The following GRID2 variants were observed in gnomAD, a reference collection of about 807,000 sequenced individuals.
GRID2 encodes glutamate receptor ionotropic, delta-2.
In GRID2, 33 loss-of-function variants were observed where a neutral mutation model predicts 114.8. The ratio of observed to expected loss-of-function variants is 0.29; its 90% CI spans 0.22 to 0.38. The LOEUF (loss-of-function observed/expected upper bound fraction) is 0.38, where lower values mean the gene tolerates loss of function less well. Among genes scored for constraint, GRID2 ranks in the 10% least tolerant of loss-of-function variants. The probability of loss-of-function intolerance (pLI) is 1.00; values close to 1 mark genes in which losing one functional copy is unlikely to be tolerated. For missense variants in GRID2, 1,184 were observed against 1,257.7 expected (o/e 0.94, Z 0.89); for synonymous variants, 505 against 449.9 (o/e 1.12, Z -1.55).
At chr4:93,128,930 G>A (rs1349036022) in intron 4 of GRID2, among the ~76,000 whole-genome samples, 1 of 152,110 alleles carries the variant, frequency 6.6e-6, no homozygotes, top group Non-Finnish European at 1.5e-5. Flanking sequence ...AAACCTCATG[G>A]TATTACTAAA....
At chr4:93,317,016 C>T (rs1252041619) in intron 8 of GRID2, among the ~76,000 whole-genome samples, 4 of 152,100 alleles carry the variant, frequency 2.6e-5, no homozygotes, top group Non-Finnish European at 2.9e-5. Flanking sequence ...GTCTAAAGCT[C>T]ATTACCTTAA....
intron 14 of GRID2, among the ~76,000 whole-genome samples, chr4:93,725,894 G>T (rs1295877588): frequency 6.6e-6 from 1 of 152,118 alleles, no homozygotes; most frequent in Non-Finnish European, 1.5e-5. Context: ...CCCTTTGTCA[G>T]ATGATTAGGT....
intron 2 of GRID2, among the ~76,000 whole-genome samples, chr4:92,788,633 G>A (rs1029755240): frequency 2.0e-5 from 3 of 151,616 alleles, no homozygotes; most frequent in African/African-American, 4.8e-5. Flanking sequence ...CTAATCTTGG[G>A]TGTAACAATT....
At chr4:92,994,187 T>C (rs547726841) in intron 2 of GRID2, among the ~76,000 whole-genome samples, 1 of 152,274 alleles carries the variant, frequency 6.6e-6, no homozygotes, top group East Asian at 1.9e-4. Flanking sequence ...AAAAGCAAAC[T>C]GAAACATAGC....
intron 8 of GRID2, among the ~76,000 whole-genome samples, chr4:93,347,462 G>T (rs1392812030): frequency 6.6e-6 from 1 of 151,984 alleles, no homozygotes; most frequent in African/African-American, 2.4e-5. Context: ...AGGAACAGAT[G>T]ATATGTCATA....
At chr4:93,674,800 GA>G (rs1266877608) in intron 14 of GRID2, among the ~76,000 whole-genome samples, 1 of 151,692 alleles carries the variant, frequency 6.6e-6, no homozygotes, top group Non-Finnish European at 1.5e-5. Context: ...TTAAAAAAAT[GA>G]GTTTGAAATT....
At chr4:92,454,404 G>A (rs181875472) in intron 1 of GRID2, among the ~76,000 whole-genome samples, 194 of 152,242 alleles carry the variant, frequency 1.3e-3, no homozygotes, top group African/African-American at 4.5e-3. Flanking sequence ...AAAATCTTGT[G>A]ATTCTCCATA....
intron 2 of GRID2, among the ~76,000 whole-genome samples, chr4:93,015,621 C>G (rs1301969424): frequency 6.6e-6 from 1 of 152,154 alleles, no homozygotes; most frequent in Non-Finnish European, 1.5e-5. Flanking sequence ...TTAATCCTCA[C>G]AGCAACATCA....
intron 8 of GRID2, among the ~76,000 whole-genome samples, chr4:93,256,893 A>G (rs952385571): frequency 4.6e-5 from 7 of 151,912 alleles, no homozygotes; most frequent in African/African-American, 1.7e-4. Flanking sequence ...AAGTAGTGAC[A>G]TAGCAGGAGA....
chr4:93,306,227 C>T (rs1755406190), intron 8 of GRID2: 1 of 152,130 alleles, frequency 6.6e-6, no homozygotes, highest in Non-Finnish European at 1.5e-5. Context: ...ATGCTGACTT[C>T]TAAAGGTTGG....
intron 8 of GRID2, among the ~76,000 whole-genome samples, chr4:93,384,907 T>C (rs1764177802): frequency 6.6e-6 from 1 of 152,278 alleles, no homozygotes; most frequent in East Asian, 1.9e-4. Flanking sequence ...AAAGAGTAAT[T>C]AGAAGAACAC....
At chr4:93,520,657 G>A (rs1181830888) in intron 13 of GRID2, among the ~76,000 whole-genome samples, 1 of 152,054 alleles carries the variant, frequency 6.6e-6, no homozygotes, top group Non-Finnish European at 1.5e-5. Flanking sequence ...TGGGCAGGAT[G>A]GAGGCCATTG....
chr4:93,773,140 C>G lies in GRID2; in HGVS notation c.*642C>G, dbSNP rs1249799104. ...TGCATATGACCTTTATGTGATTGTA[C>G]AGTATTAAAAGTTTTTTCTTATGTA... On this transcript the variant is annotated 3_prime_UTR_variant, in exon 16 of 16. Coordinates refer to ENST00000282020, the MANE Select transcript of GRID2 (RefSeq NM_001510.4). The G allele has an allele frequency of 6.6e-6, 1 of 152,096 alleles. No individual in the cohort carries two copies. Among genetic ancestry groups the G allele is most frequent in the Non-Finnish European group, 1.5e-5 (1 of 68,004 alleles). The allele number at this position is 152,096 out of a possible 1,614,324, so 9.4% of individuals were successfully genotyped here. A position where few individuals can be genotyped will look rare whatever the true frequency, so the allele number is the denominator to read the frequency against.
intron 2 of GRID2, among the ~76,000 whole-genome samples, chr4:92,914,151 G>T (rs1300162559): frequency 1.3e-5 from 2 of 151,932 alleles, no homozygotes; most frequent in East Asian, 1.9e-4. Flanking sequence ...TATCCACTTT[G>T]CATTAAACAA....
intron 2 of GRID2, among the ~76,000 whole-genome samples, chr4:92,952,816 C>T (rs372339663): frequency 1.6e-4 from 24 of 152,266 alleles, no homozygotes; most frequent in African/African-American, 5.5e-4. Flanking sequence ...CTACGACTGC[C>T]ATAACACAAT....
At chr4:92,398,318 A>G (rs1400876104) in intron 1 of GRID2, among the ~76,000 whole-genome samples, 1 of 152,182 alleles carries the variant, frequency 6.6e-6, no homozygotes, top group Non-Finnish European at 1.5e-5. Context: ...AATTTGAGAC[A>G]GGAATTAATT....
chr4:93,135,835 T>C (rs1735193672), intron 4 of GRID2, among the ~76,000 whole-genome samples: 2 of 152,200 alleles, frequency 1.3e-5, no homozygotes, highest in African/African-American at 4.8e-5. Context: ...TGATGGTGTT[T>C]TGATTTTATT....
At chr4:92,976,605 A>G (rs1219281989) in intron 2 of GRID2, among the ~76,000 whole-genome samples, 2 of 152,114 alleles carry the variant, frequency 1.3e-5, no homozygotes, top group African/African-American at 2.4e-5. Flanking sequence ...CAACTTGCCT[A>G]TTGTCAGTCA....
At chr4:92,703,645 A>ATATATATAT (rs1734794212) in intron 2 of GRID2, among the ~76,000 whole-genome samples, 1 of 146,386 alleles carries the variant, frequency 6.8e-6, no homozygotes, top group African/African-American at 2.5e-5. Context: ...ATATATATAT[A>ATATATATAT]AAATCATGAG....
Sources: gnomAD v4.1 joint callset for allele counts (sites outside exome capture counted in the v4.1 genomes callset) on GRCh38, gnomAD v4.1.1 for gene constraint, MANE v1.5 for transcripts, NCBI Gene and HGNC (gene_info 2026-07-23, HGNC 2026-07-21) for gene names.